CYRIA: variants seen among roughly 807,000 people sequenced by gnomAD.
CYRIA encodes CYFIP-related Rac1 interactor A.
A neutral mutation model predicts 43.9 loss-of-function variants in CYRIA; 15 were observed. The ratio of observed to expected loss-of-function variants is 0.34; its 90% confidence interval spans 0.23 to 0.53. The LOEUF is 0.53. Among genes scored for constraint, CYRIA ranks in the 20% least tolerant of loss-of-function variants. The pLI is 0.94. For missense variants in CYRIA, 236 were observed against 394.2 expected (o/e 0.60, Z 3.40); for synonymous variants, 117 against 136.0 (o/e 0.86, Z 0.97).
At chr2:16,566,169 A>C (rs1028934597) in intron 3 of CYRIA, among the ~76,000 whole-genome samples, 2 of 152,174 alleles carry the variant, frequency 1.3e-5, no homozygotes, top group Non-Finnish European at 2.9e-5. Flanking sequence ...ATTGTGGTTA[A>C]ATACACATAA....
intron 5 of CYRIA, 68 bp from the exon 6 acceptor site, chr2:16,562,209 C>T (rs1320802213): frequency 1.2e-5 from 18 of 1,520,434 alleles, no homozygotes; most frequent in Non-Finnish European, 1.5e-5. Context: ...GAACACAATT[C>T]CCAGCCTCAG....
At chr2:16,577,433 A>C (rs545575781) in intron 3 of CYRIA, among the ~76,000 whole-genome samples, 1 of 152,304 alleles carries the variant, frequency 6.6e-6, no homozygotes, top group South Asian at 2.1e-4. Context: ...CCTAACAAGA[A>C]AACAAGTTAG....
chr2:16,619,931 T>TG (rs1383565207), intron 2 of CYRIA, among the ~76,000 whole-genome samples: 2 of 152,262 alleles, frequency 1.3e-5, no homozygotes, highest in Admixed American at 1.3e-4. Context: ...TGGCTCCTTT[T>TG]GGAGCCTTCC....
chr2:16,579,905 T>C (rs557022966), intron 3 of CYRIA, among the ~76,000 whole-genome samples: 3 of 152,098 alleles, frequency 2.0e-5, no homozygotes, highest in East Asian at 3.9e-4. Flanking sequence ...AACATATATG[T>C]AAACATTAAT....
Position 16,611,771 on chromosome 2 carries a change from G to A in CYRIA, c.-11+12093C>T, listed in dbSNP as rs563490364. Among the ~76,000 whole-genome samples the A allele has an allele frequency of 7.4e-4, 112 of 152,122 alleles. 1 individual carries two copies. Among genetic ancestry groups the A allele is most frequent in the Non-Finnish European group, 1.2e-3 (81 of 67,972 alleles). On this transcript the variant is annotated intron_variant, in intron 2 of 11. Coordinates refer to ENST00000381323, the MANE Select transcript of CYRIA (RefSeq NM_030797.4). The stretch of plus-strand genomic sequence containing the variant: ...GATCACACGTACTGGGCGGAGGGGC[G>A]GAGGTGGGGGGGTGGTGGTGGAGGT...
At chr2:16,573,061 A>C (rs1667198953) in intron 3 of CYRIA, among the ~76,000 whole-genome samples, 1 of 152,156 alleles carries the variant, frequency 6.6e-6, no homozygotes, top group Admixed American at 6.5e-5. Context: ...CTAAGAACCC[A>C]CACCCCACTA....
chr2:16,568,541 G>A (rs1375356257), intron 3 of CYRIA, among the ~76,000 whole-genome samples: 1 of 151,888 alleles, frequency 6.6e-6, no homozygotes, highest in African/African-American at 2.4e-5. Context: ...AAGCCTGGCA[G>A]TTTCTGAGTA....
chr2:16,562,276 C>T (rs1269676416), intron 5 of CYRIA, 135 bp from the exon 6 acceptor site: 3 of 952,766 alleles, frequency 3.1e-6, no homozygotes, highest in East Asian at 2.8e-5. Flanking sequence ...GTGAGGTGTG[C>T]TGCATGTGGA....
At chr2:16,592,591 T>C (rs1667967559) in intron 2 of CYRIA, among the ~76,000 whole-genome samples, 2 of 152,148 alleles carry the variant, frequency 1.3e-5, no homozygotes, top group South Asian at 2.1e-4. Flanking sequence ...TATTTTCCCA[T>C]GCATCGTAAG....
chr2:16,634,876 C>T (rs945454131), intron 1 of CYRIA, among the ~76,000 whole-genome samples: 15 of 152,184 alleles, frequency 9.9e-5, no homozygotes, highest in Admixed American at 5.9e-4. Context: ...AATTGTCCCA[C>T]GCTCCCAGCA....
At chr2:16,582,811 G>T (rs1400941522) in intron 3 of CYRIA, among the ~76,000 whole-genome samples, 1 of 152,130 alleles carries the variant, frequency 6.6e-6, no homozygotes, top group Non-Finnish European at 1.5e-5. Context: ...AAATAATGCT[G>T]CTATGAACAT....
chr2:16,600,111 A>C (rs1159369202), intron 2 of CYRIA, among the ~76,000 whole-genome samples: 1 of 152,232 alleles, frequency 6.6e-6, no homozygotes, highest in African/African-American at 2.4e-5. Flanking sequence ...GTCATATAGC[A>C]CAAAGTCTAA....
chr2:16,567,823 G>T (rs1036190709), intron 3 of CYRIA, among the ~76,000 whole-genome samples: 4 of 152,150 alleles, frequency 2.6e-5, no homozygotes, highest in Admixed American at 6.5e-5. Context: ...TGTACACAAG[G>T]ACTCAGAGAA....
intron 2 of CYRIA, among the ~76,000 whole-genome samples, chr2:16,591,193 A>C (rs1374183272): frequency 1.3e-5 from 2 of 152,164 alleles, no homozygotes; most frequent in African/African-American, 4.8e-5. Context: ...TTTGGTTATT[A>C]TGCACTATTA....
In CYRIA at chr2:16,634,154, C is replaced by T. The variant is rs549720618; in HGVS notation, c.-166-10135G>A. On this transcript the variant is annotated intron_variant, in intron 1 of 11. Transcript: ENST00000381323. Reference sequence around the variant, plus strand: ...GACAGCCAGCCGATCCACTAAGCAACCAAGTGGGCAGCAGGCATCTGAGAC... The same window carrying T: ...GACAGCCAGCCGATCCACTAAGCAATCAAGTGGGCAGCAGGCATCTGAGAC... 5.9e-5 allele frequency among the ~76,000 whole-genome samples: 9 copies of T among 152,292 alleles called. No individual in the cohort carries two copies. The South Asian group carries it at 1.9e-3, about 32-fold the overall frequency.
At chr2:16,633,373 T>G (rs941657164) in intron 1 of CYRIA, among the ~76,000 whole-genome samples, 8 of 151,900 alleles carry the variant, frequency 5.3e-5, no homozygotes, top group African/African-American at 1.9e-4. Context: ...TCTGTGCCAC[T>G]CAGCATTTAG....
chr2:16,599,737 C>T (rs1013783632), intron 2 of CYRIA, among the ~76,000 whole-genome samples: 4 of 151,986 alleles, frequency 2.6e-5, no homozygotes, highest in African/African-American at 4.8e-5. Context: ...TGTTCCTATT[C>T]GGCCATCTTG....
At chr2:16,627,696 T>C (rs533724200) in intron 1 of CYRIA, among the ~76,000 whole-genome samples, 5 of 152,324 alleles carry the variant, frequency 3.3e-5, no homozygotes, top group Admixed American at 2.0e-4. Context: ...TAGGAACAGA[T>C]GACACCTTCC....
At chr2:16,561,420 G>A in intron 7 of CYRIA, 36 bp downstream of exon 7, 1 of 1,587,204 alleles carries the variant, frequency 6.3e-7, no homozygotes, top group Non-Finnish European at 8.7e-7. Context: ...GAGTCATGGA[G>A]AAGGGTGCAA....
Sources: allele counts gnomAD v4.1 joint callset (sites outside exome capture counted in the v4.1 genomes callset), GRCh38; gene constraint gnomAD v4.1.1; transcripts MANE v1.5; gene names NCBI Gene and HGNC (gene_info 2026-07-23, HGNC 2026-07-21).